The following RHPN2 variants were observed in gnomAD, a reference collection of about 807,000 sequenced individuals.
RHPN2 encodes rhophilin Rho GTPase binding protein 2.
RHPN2 carries 40 observed loss-of-function variants against 79.0 expected under a neutral mutation model. The ratio of observed to expected loss-of-function variants is 0.51; its 90% CI spans 0.39 to 0.66. RHPN2 has a LOEUF of 0.66. Ranked by LOEUF, RHPN2 falls within the 30% of genes least tolerant of loss-of-function variation. The probability of loss-of-function intolerance (pLI) is 0.00; values close to 1 mark genes in which losing one functional copy is unlikely to be tolerated. For missense variants in RHPN2, 686 were observed against 883.5 expected (o/e 0.78, Z 2.83); for synonymous variants, 285 against 363.5 (o/e 0.78, Z 2.46).
At chr19:33,034,014 C>G (rs1023175509) in intron 2 of RHPN2, among the ~76,000 whole-genome samples, 2 of 126,532 alleles carry the variant, frequency 1.6e-5, no homozygotes, top group African/African-American at 7.1e-5. Context: ...CCCCTCCCAT[C>G]TTGGCAAAAC....
intron 12 of RHPN2, among the ~76,000 whole-genome samples, chr19:32,993,308 C>G (rs1011790990): frequency 1.3e-5 from 2 of 151,984 alleles, no homozygotes; most frequent in African/African-American, 4.8e-5. Flanking sequence ...AACCCCGTCT[C>G]TACTAAAAAT....
chr19:32,982,339 G>A (rs182295175), intron 14 of RHPN2, among the ~76,000 whole-genome samples: 4 of 152,084 alleles, frequency 2.6e-5, no homozygotes, highest in Admixed American at 6.6e-5. Context: ...CCCAGGAGGC[G>A]GAGGTTGCAG....
rs1307943124 is a variant in RHPN2, at chr19:32,990,573, A to G, written c.1741T>C (p.Phe581Leu). Reference protein sequence around the residue: ...LSEVMKLLKSFGEDEIEMKVV... With the variant: ...LSEVMKLLKSLGEDEIEMKVV... Reference sequence around the variant, plus strand: ...TTCATCTCGATCTCGTCCTCGCCAAAGCTCTTCAGCAGCTTCATAACCTCA... The same window carrying G: ...TTCATCTCGATCTCGTCCTCGCCAAGGCTCTTCAGCAGCTTCATAACCTCA... Residue 581 changes from phenylalanine (F) to leucine (L), a missense_variant, in exon 14 of 15, where the codon TTT becomes CTT. Physicochemically the swap from Phe to Leu is conservative, Grantham distance 22 (BLOSUM62 0). Transcript: ENST00000254260. The G allele has an allele frequency of 1.2e-6, 2 of 1,613,766 alleles. No homozygotes were observed. The highest frequency in any genetic ancestry group is 1.7e-6 in the Non-Finnish European group (2 of 1,179,876).
chr19:33,042,611 C>A (rs1213906182), intron 2 of RHPN2, among the ~76,000 whole-genome samples: 3 of 152,190 alleles, frequency 2.0e-5, no homozygotes, highest in Admixed American at 2.0e-4. Flanking sequence ...CCCAGGACCT[C>A]AAGTCATCAG....
intron 1 of RHPN2, among the ~76,000 whole-genome samples, chr19:33,059,569 G>C (rs1184016849): frequency 2.0e-5 from 3 of 151,988 alleles, no homozygotes; most frequent in Non-Finnish European, 2.9e-5. Context: ...CAAAGTGCTG[G>C]GACTACAGTG....
chr19:32,991,964 G>T lies in RHPN2; in HGVS notation c.1503C>A (p.Pro501=). Residue 501 remains proline (P), a synonymous_variant, in exon 13 of 15, where the codon CCC becomes CCA. Coordinates refer to ENST00000254260, the MANE Select transcript of RHPN2 (RefSeq NM_033103.5). ...GCTTGTTAGCCGAAAACACAGATAA[G>T]GGGCCCTTTGGAAGAGAGCATCGTT... ...TVTDFFQKLG[P]LSVFSANKRW... The T allele has an allele frequency of 6.2e-7, 1 of 1,613,918 alleles. No individual in the cohort carries two copies. Among genetic ancestry groups the T allele is most frequent in the Non-Finnish European group, 8.5e-7 (1 of 1,179,852 alleles).
chr19:32,998,601 T>G (rs1971721959), intron 10 of RHPN2, among the ~76,000 whole-genome samples: 1 of 151,860 alleles, frequency 6.6e-6, no homozygotes. Context: ...GAGCTGTGAT[T>G]GCACTACTGC....
intron 4 of RHPN2, among the ~76,000 whole-genome samples, chr19:33,020,858 A>G (rs1298525983): frequency 6.6e-6 from 1 of 152,182 alleles, no homozygotes; most frequent in African/African-American, 2.4e-5. Flanking sequence ...CCTAACAGAC[A>G]CAAGAATGCG....
intron 8 of RHPN2, 75 bp from the exon 9 acceptor site, chr19:33,002,478 C>T (rs1971757684): frequency 2.5e-6 from 4 of 1,570,210 alleles, no homozygotes; most frequent in Non-Finnish European, 3.5e-6. Context: ...GAGAAAGAGC[C>T]CTTTCTTCTT....
At chr19:33,020,329 CT>C (rs71340522) in intron 4 of RHPN2, among the ~76,000 whole-genome samples, 3,892 of 139,314 alleles carry the variant, frequency 0.028, 120 homozygotes, top group African/African-American at 0.08. Flanking sequence ...CTTTCGTTCT[CT>C]TTTTTTTTTT....
At chr19:33,043,545 G>C (rs1196023301) in intron 2 of RHPN2, among the ~76,000 whole-genome samples, 1 of 152,098 alleles carries the variant, frequency 6.6e-6, no homozygotes, top group Non-Finnish European at 1.5e-5. Context: ...GAGCAAGACT[G>C]TCTCCAAACA....
At chr19:33,052,677 G>A (rs1029823323) in intron 1 of RHPN2, among the ~76,000 whole-genome samples, 4 of 152,122 alleles carry the variant, frequency 2.6e-5, no homozygotes, top group Admixed American at 6.6e-5. Context: ...GGAGATTCAG[G>A]GCAGGCTGGG....
chr19:33,036,607 C>T (rs1972057787), intron 2 of RHPN2, among the ~76,000 whole-genome samples: 1 of 152,196 alleles, frequency 6.6e-6, no homozygotes. Context: ...AAGGCCCGAG[C>T]CGGCTCCCTC....
chr19:32,983,196 A>G (rs1398504197), intron 14 of RHPN2, among the ~76,000 whole-genome samples: 6 of 149,892 alleles, frequency 4.0e-5, no homozygotes, highest in Non-Finnish European at 8.9e-5. Flanking sequence ...CACTCCTGCA[A>G]TGCGTACCAT....
At chr19:33,012,469 G>A (rs1048026767) in intron 5 of RHPN2, among the ~76,000 whole-genome samples, 178 bp downstream of exon 5, 6 of 151,958 alleles carry the variant, frequency 3.9e-5, no homozygotes, top group East Asian at 1.9e-4. Flanking sequence ...ATGAACCACC[G>A]CGCCTGGCCT....
intron 11 of RHPN2, among the ~76,000 whole-genome samples, chr19:32,994,391 G>A (rs1350390281): frequency 5.6e-5 from 5 of 89,250 alleles, no homozygotes; most frequent in Admixed American, 2.0e-4. Flanking sequence ...GTCAGACTCC[G>A]GGGGGAAAAA....
intron 2 of RHPN2, among the ~76,000 whole-genome samples, chr19:33,040,695 C>T (rs1480487344): frequency 2.6e-5 from 4 of 152,100 alleles, no homozygotes; most frequent in African/African-American, 9.7e-5. Flanking sequence ...TGGCTTACAC[C>T]TGTAATTCCA....
intron 14 of RHPN2, among the ~76,000 whole-genome samples, chr19:32,986,156 T>G (rs781191661): frequency 1.3e-5 from 2 of 152,146 alleles, no homozygotes; most frequent in Non-Finnish European, 2.9e-5. Flanking sequence ...AGGATACACA[T>G]CTAGACTGTC....
intron 2 of RHPN2, among the ~76,000 whole-genome samples, chr19:33,029,519 C>CT (rs1971993988): frequency 8.0e-6 from 1 of 124,584 alleles, no homozygotes. Context: ...GAGCGAGACT[C>CT]TATCTCAGAA....
Sources: gnomAD v4.1 joint callset for allele counts (sites outside exome capture counted in the v4.1 genomes callset) on GRCh38, gnomAD v4.1.1 for gene constraint, MANE v1.5 for transcripts, NCBI Gene and HGNC (gene_info 2026-07-23, HGNC 2026-07-21) for gene names.